COBL: variants seen among roughly 807,000 people sequenced by gnomAD.
The protein encoded by COBL is protein cordon-bleu.
In COBL, 51 loss-of-function variants were observed where a neutral mutation model predicts 98.8. The observed-to-expected ratio is 0.52, with a 90% CI of 0.41 to 0.65. The LOEUF (loss-of-function observed/expected upper bound fraction) is 0.65. Ranked by LOEUF, COBL falls within the 30% of genes least tolerant of loss-of-function variation. The pLI, the probability that COBL is intolerant of heterozygous loss-of-function variation, is 0.00. For missense variants in COBL, 1,617 were observed against 1,617.5 expected (o/e 1.00, Z 0.01); for synonymous variants, 634 against 651.7 (o/e 0.97, Z 0.41).
chr7:51,263,838 T>A (rs1464868088), intron 1 of COBL, among the ~76,000 whole-genome samples: 1 of 152,196 alleles, frequency 6.6e-6, no homozygotes, highest in African/African-American at 2.4e-5. Flanking sequence ...TTTGATATGA[T>A]TCCTATACAA....
intron 5 of COBL, among the ~76,000 whole-genome samples, chr7:51,161,496 G>A (rs183739658): frequency 1.3e-5 from 2 of 152,176 alleles, no homozygotes; most frequent in Non-Finnish European, 2.9e-5. Flanking sequence ...AACTTTTTTA[G>A]GGCTTTTGCT....
At chr7:51,248,387 C>A (rs1796446773) in intron 1 of COBL, among the ~76,000 whole-genome samples, 1 of 152,106 alleles carries the variant, frequency 6.6e-6, no homozygotes, top group Non-Finnish European at 1.5e-5. Context: ...ATGGGCTTTG[C>A]AGTTCCTCAA....
intron 1 of COBL, among the ~76,000 whole-genome samples, chr7:51,307,965 A>G (rs1013999409): frequency 6.6e-6 from 1 of 152,214 alleles, no homozygotes; most frequent in Non-Finnish European, 1.5e-5. Context: ...TTATCACGTA[A>G]TAAGTGGTTT....
intron 2 of COBL, among the ~76,000 whole-genome samples, chr7:51,196,445 T>C (rs1247581512): frequency 6.6e-6 from 1 of 152,198 alleles, no homozygotes; most frequent in Non-Finnish European, 1.5e-5. Flanking sequence ...TCAAGGATAG[T>C]GGCCTGAAGT....
intron 5 of COBL, among the ~76,000 whole-genome samples, chr7:51,161,058 C>T (rs1163274007): frequency 6.6e-6 from 1 of 152,084 alleles, no homozygotes; most frequent in East Asian, 1.9e-4. Flanking sequence ...TGATGTATAA[C>T]AAAAATTAGT....
chr7:51,028,467 C>T lies in COBL; in HGVS notation c.2629G>A (p.Gly877Arg). 6.2e-7 allele frequency: 1 copy of T among 1,614,268 alleles called. No homozygotes were observed. Among genetic ancestry groups the T allele is most frequent in the Non-Finnish European group, 8.5e-7 (1 of 1,180,054 alleles). Residue 877 changes from glycine (G) to arginine (R), a missense_variant, in exon 10 of 13, where the codon GGA becomes AGA. By Grantham distance (125) the Gly-to-Arg change is moderately radical. This residue lies in a region of COBL where 1,304 missense variants were observed against 1,282.0 expected (regional missense o/e 1.02). Coordinates refer to ENST00000265136, the MANE Select transcript of COBL (RefSeq NM_015198.5). ...ACATCAGCATGGACTTTTGGGGCTC[C>T]TATGCGCTTGGCAATGGCAGAGGCC... is the stretch of plus-strand genomic sequence containing the variant. ...YVASAIAKRI[G>R]APKVHADVVR...
At chr7:51,297,637 C>T (rs1584436338) in intron 1 of COBL, among the ~76,000 whole-genome samples, 1 of 152,232 alleles carries the variant, frequency 6.6e-6, no homozygotes, top group East Asian at 1.9e-4. Flanking sequence ...AGGTGATCTG[C>T]CCGCCTCAGC....
At chr7:51,072,535 G>A (rs1439249974) in intron 7 of COBL, 3 of 152,150 alleles carry the variant, frequency 2.0e-5, no homozygotes, top group Non-Finnish European at 2.9e-5. Context: ...TGTGCCTGGG[G>A]AGCCACAGGT....
At chr7:51,219,688 CGCTATACTCGCAAAGT>C in intron 2 of COBL, 37 bp downstream of exon 2, 1 of 1,570,000 alleles carries the variant, frequency 6.4e-7, no homozygotes, top group Non-Finnish European at 8.7e-7. Context: ...CCATTCTCCC[CGCTATACTCGCAAAGT>C]GAGTACAGCG....
intron 6 of COBL, among the ~76,000 whole-genome samples, chr7:51,108,958 C>CA (rs1562923478): frequency 0.023 from 1,950 of 84,000 alleles, 49 homozygotes; most frequent in African/African-American, 0.074. Context: ...ACACACACAC[C>CA]CCCTGCCCCA....
chr7:51,247,787 G>T (rs1020572452), intron 1 of COBL, among the ~76,000 whole-genome samples: 4 of 152,160 alleles, frequency 2.6e-5, no homozygotes, highest in African/African-American at 7.2e-5. Flanking sequence ...ACTGCTGAAA[G>T]AAGACGCCAA....
intron 6 of COBL, among the ~76,000 whole-genome samples, chr7:51,104,305 T>C (rs1796063423): frequency 6.6e-6 from 1 of 152,200 alleles, no homozygotes; most frequent in Non-Finnish European, 1.5e-5. Context: ...CCTCTAAATA[T>C]ACTTGTATTT....
chr7:51,276,807 C>A (rs886617003), intron 1 of COBL, among the ~76,000 whole-genome samples: 1 of 152,162 alleles, frequency 6.6e-6, no homozygotes, highest in Non-Finnish European at 1.5e-5. Flanking sequence ...GAAAGCTGGA[C>A]GCTGGTGTTG....
At chr7:51,165,297 C>G (rs966341207) in intron 5 of COBL, among the ~76,000 whole-genome samples, 1 of 151,468 alleles carries the variant, frequency 6.6e-6, no homozygotes, top group African/African-American at 2.4e-5. Context: ...CCAATGGAAA[C>G]CAAAAAAAGA....
At chr7:51,196,466 T>C (rs960732897) in intron 2 of COBL, among the ~76,000 whole-genome samples, 6 of 152,170 alleles carry the variant, frequency 3.9e-5, no homozygotes, top group African/African-American at 1.4e-4. Flanking sequence ...TTTCTTTTTG[T>C]GTGTGGTGTC....
intron 5 of COBL, among the ~76,000 whole-genome samples, chr7:51,170,275 C>CT (rs1787722505): frequency 6.6e-6 from 1 of 151,682 alleles, no homozygotes. Flanking sequence ...TGTGTTGACC[C>CT]TGTTGTATAC....
chr7:51,232,864 G>T (rs4948204), intron 1 of COBL, among the ~76,000 whole-genome samples: 95,765 of 152,034 alleles, frequency 0.63, 30,374 homozygotes, highest in East Asian at 0.69. Flanking sequence ...ACTTTCTCCT[G>T]AACATTTATT....
At chr7:51,301,898 A>G (rs1274606200) in intron 1 of COBL, among the ~76,000 whole-genome samples, 1 of 151,876 alleles carries the variant, frequency 6.6e-6, no homozygotes, top group Admixed American at 6.6e-5. Flanking sequence ...GCCCAGCCAC[A>G]TTTTACATTT....
intron 5 of COBL, among the ~76,000 whole-genome samples, chr7:51,153,620 T>C (rs1372673778): frequency 1.3e-5 from 2 of 152,212 alleles, no homozygotes; most frequent in African/African-American, 4.8e-5. Flanking sequence ...AGATGGGCAA[T>C]ATGACTGCTG....
Sources: allele counts gnomAD v4.1 joint callset (sites outside exome capture counted in the v4.1 genomes callset), GRCh38; gene constraint gnomAD v4.1.1; regional missense constraint gnomAD v4.1.1; transcripts MANE v1.5; gene names NCBI Gene and HGNC (gene_info 2026-07-23, HGNC 2026-07-21).